Variants in IL1RL1 observed in about 807,000 individuals in gnomAD.
IL1RL1 encodes the protein interleukin 1 receptor like 1.
In IL1RL1, 32 loss-of-function variants were observed where a neutral mutation model predicts 50.9. The observed-to-expected ratio is 0.63, with a 90% confidence interval of 0.47 to 0.84. The LOEUF is 0.84. Ranked by LOEUF, IL1RL1 falls within the 40% of genes least tolerant of loss-of-function variation. IL1RL1 has a pLI of 0.00. For synonymous variants in IL1RL1, 275 were observed against 236.0 expected, an observed-to-expected ratio of 1.17 and a Z score of -1.51; for missense variants, 773 against 662.9, an observed-to-expected ratio of 1.17 and a Z score of -1.82.
chr2:102,318,825 G>A lies in IL1RL1; in HGVS notation c.-150+7202G>A, dbSNP rs367789790. On this transcript the variant is annotated intron_variant, in intron 1 of 10. Transcript: ENST00000233954. ...CAAGGTAAGGGGAAGACGCAGGACTGAGGATTCCTAAGCAACATGGTGGTA... is the reference window on the plus strand; with the variant it reads ...CAAGGTAAGGGGAAGACGCAGGACTAAGGATTCCTAAGCAACATGGTGGTA... Among the ~76,000 whole-genome samples, 5 of 152,300 alleles carry A rather than the reference G, an allele frequency of 3.3e-5. 1 individual carries two copies. Among genetic ancestry groups the A allele is most frequent in the African/African-American group, 9.6e-5 (4 of 41,554 alleles).
chr2:102,312,677 G>A (rs1374726607), intron 1 of IL1RL1, among the ~76,000 whole-genome samples: 2 of 152,098 alleles, frequency 1.3e-5, no homozygotes, highest in African/African-American at 4.8e-5. Context: ...GTGGATATGA[G>A]GATATGAGAA....
intron 1 of IL1RL1, among the ~76,000 whole-genome samples, chr2:102,330,279 GAATTGGAC>G (rs1677135904): frequency 6.6e-6 from 1 of 151,546 alleles, no homozygotes; most frequent in Non-Finnish European, 1.5e-5. Context: ...TCATAGATGG[GAATTGGAC>G]AATGAGAACA....
intron 1 of IL1RL1, among the ~76,000 whole-genome samples, chr2:102,323,593 G>A (rs1676901780): frequency 6.6e-6 from 1 of 151,998 alleles, no homozygotes; most frequent in African/African-American, 2.4e-5. Flanking sequence ...GAAGCAAGGG[G>A]TGGGGGAGTG....
intron 1 of IL1RL1, among the ~76,000 whole-genome samples, chr2:102,314,435 A>G (rs1676613984): frequency 6.6e-6 from 1 of 152,214 alleles, no homozygotes; most frequent in Non-Finnish European, 1.5e-5. Flanking sequence ...ATGCTATCCT[A>G]ATGAAAAAAC....
intron 8 of IL1RL1, 57 bp downstream of exon 8, chr2:102,343,472 G>T (rs1332036084): frequency 1.9e-6 from 3 of 1,613,604 alleles, no homozygotes; most frequent in Middle Eastern, 3.3e-4. Context: ...AGTGTAAGCA[G>T]AATGGAGTGT....
chr2:102,345,273 GA>G, intron 8 of IL1RL1: 2 of 985,436 alleles, frequency 2.0e-6, no homozygotes, highest in Non-Finnish European at 2.4e-6. Context: ...TGTTGTCTTG[GA>G]AAACAGCTTT....
chr2:102,340,768 A>G lies in IL1RL1; in HGVS notation c.550A>G (p.Ile184Val), dbSNP rs1470130458. 1 of 1,592,190 alleles carries G rather than the reference A, an allele frequency of 6.3e-7. No individual in the cohort carries two copies. The highest frequency in any genetic ancestry group is 1.4e-5 in the African/African-American group (1 of 73,114). Residue 184 changes from isoleucine to valine, a missense_variant, in exon 5 of 11, where the codon ATA becomes GTA. Coordinates refer to ENST00000233954, the MANE Select transcript of IL1RL1 (RefSeq NM_016232.5). ...CGCAGGTGATTACACCTGTAAATTT[A>G]TACACAATGAAAATGGAGCCAATTA... ...EDAGDYTCKFIHNENGANYSV... is the reference protein window; with the variant it reads ...EDAGDYTCKFVHNENGANYSV...
At chr2:102,315,050 CT>C (rs1270508823) in intron 1 of IL1RL1, among the ~76,000 whole-genome samples, 1 of 152,180 alleles carries the variant, frequency 6.6e-6, no homozygotes. Flanking sequence ...GCTAGTCTGA[CT>C]TTTTTTTCCC....
intron 3 of IL1RL1, among the ~76,000 whole-genome samples, chr2:102,339,725 A>G (rs1345748191): frequency 6.6e-6 from 1 of 152,174 alleles, no homozygotes; most frequent in Non-Finnish European, 1.5e-5. Context: ...TTTCATCTCA[A>G]AGCATTATTG....
intron 1 of IL1RL1, among the ~76,000 whole-genome samples, chr2:102,332,784 C>A (rs1249717632): frequency 6.6e-6 from 1 of 152,106 alleles, no homozygotes; most frequent in Non-Finnish European, 1.5e-5. Context: ...CTAAATTGTG[C>A]ACTTCGAAAT....
chr2:102,321,318 T>G (rs1676832142), intron 1 of IL1RL1, among the ~76,000 whole-genome samples: 1 of 152,188 alleles, frequency 6.6e-6, no homozygotes, highest in Admixed American at 6.5e-5. Context: ...GATTTTTGTT[T>G]CCCTTTGCTC....
At chr2:102,327,713 A>C (rs1018827410) in intron 1 of IL1RL1, among the ~76,000 whole-genome samples, 1 of 152,226 alleles carries the variant, frequency 6.6e-6, no homozygotes. Context: ...ACCATCAGAG[A>C]ATACTATAAA....
At position 102,343,378 on chromosome 2, in the gene IL1RL1, G is replaced by A; in HGVS notation, c.933G>A (p.Leu311=). ...GTCTGGCCCTGAATTTGCATGGCTT[G>A]AGAAGGCACACCGTAAGACTAAGTA... ...YDCLALNLHG[L]RRHTVRLSRK... is the part of the protein sequence containing the mutation. Residue 311 remains leucine (L), a synonymous_variant, in exon 8 of 11, where the codon TTG becomes TTA. Transcript: ENST00000233954. 1 of 1,614,204 alleles carries A rather than the reference G, an allele frequency of 6.2e-7. No individual in the cohort carries two copies. The highest frequency in any genetic ancestry group is 8.5e-7 in the Non-Finnish European group (1 of 1,180,030).
downstream of IL1RL1, among the ~76,000 whole-genome samples, chr2:102,352,213 C>G (rs1677955663): frequency 7.0e-6 from 1 of 143,700 alleles, no homozygotes; most frequent in South Asian, 2.1e-4. Context: ...TTTTTCCTCT[C>G]TCTCTGTCTT....
In IL1RL1 at chr2:102,339,088, C is replaced by T. The variant is rs749632059; in HGVS notation, c.272+41C>T. 8 of 1,450,770 alleles carry T rather than the reference C, an allele frequency of 5.5e-6. No homozygotes were observed. In the South Asian group the frequency reaches 8.0e-5, roughly 14 times the overall value. The allele number at this position is 1,450,770 out of a possible 1,614,324, so 89.9% of individuals were successfully genotyped here. On this transcript the variant is annotated intron_variant, in intron 3 of 10. Coordinates refer to ENST00000233954, the MANE Select transcript of IL1RL1 (RefSeq NM_016232.5). ...CTCCCATCTTCTTTCACCCTGCTCCCCTTTCTTCAGTGGTTGATTGCCTGA... is the reference window on the plus strand; with the variant it reads ...CTCCCATCTTCTTTCACCCTGCTCCTCTTTCTTCAGTGGTTGATTGCCTGA...
At chr2:102,349,758 C>A (rs1677880284) in intron 10 of IL1RL1, among the ~76,000 whole-genome samples, 1 of 152,122 alleles carries the variant, frequency 6.6e-6, no homozygotes, top group Non-Finnish European at 1.5e-5. Flanking sequence ...ATATTCCTAC[C>A]CAATTTTATA....
chr2:102,342,764 G>A (rs1677620048), intron 6 of IL1RL1, among the ~76,000 whole-genome samples: 1 of 152,256 alleles, frequency 6.6e-6, no homozygotes, highest in Non-Finnish European at 1.5e-5. Context: ...ATGTGGGGTT[G>A]GTGAAGGCAG....
chr2:102,324,485 G>T (rs1270841743), intron 1 of IL1RL1, among the ~76,000 whole-genome samples: 1 of 152,204 alleles, frequency 6.6e-6, no homozygotes, highest in African/African-American at 2.4e-5. Flanking sequence ...ATCTCACTGG[G>T]GCGTGTCGGA....
intron 1 of IL1RL1, among the ~76,000 whole-genome samples, 184 bp downstream of exon 1, chr2:102,311,807 T>C (rs1173192520): frequency 3.9e-5 from 4 of 102,916 alleles, no homozygotes; most frequent in Non-Finnish European, 5.5e-5. Flanking sequence ...TTATATATTA[T>C]ATATAATACA....
Sources: gnomAD v4.1 joint callset for allele counts (sites outside exome capture counted in the v4.1 genomes callset) on GRCh38, gnomAD v4.1.1 for gene constraint, MANE v1.5 for transcripts, NCBI Gene and HGNC (gene_info 2026-07-23, HGNC 2026-07-21) for gene names.